The following TENM3 variants were observed in gnomAD, a reference collection of about 807,000 sequenced individuals.
TENM3 encodes the protein teneurin transmembrane protein 3.
TENM3 carries 63 observed loss-of-function variants against 255.1 expected under a neutral mutation model. The observed-to-expected ratio is 0.25, with a 90% CI of 0.20 to 0.30. The LOEUF is 0.30. TENM3 is among the 10% of genes least tolerant of loss of function. TENM3 has a pLI of 1.00. For missense variants in TENM3, 2,929 were observed against 3,461.1 expected, an observed-to-expected ratio of 0.85 and a Z score of 3.86; for synonymous variants, 1,306 against 1,322.3, an observed-to-expected ratio of 0.99 and a Z score of 0.27.
chr4:181,637,524 G>A, the TENM3 span, among the ~76,000 whole-genome samples: 4 of 152,194 alleles, frequency 2.6e-5, no homozygotes, highest in Non-Finnish European at 5.9e-5. Context: ...TGGAAATATA[G>A]TCCCTGGAGG....
chr4:182,750,448 C>G (rs1273331320), intron 19 of TENM3, among the ~76,000 whole-genome samples: 2 of 152,158 alleles, frequency 1.3e-5, no homozygotes, highest in Admixed American at 1.3e-4. Context: ...CTGGCCTCCT[C>G]TAACAACATG....
At chr4:182,676,255 G>A (rs1397932804) in intron 7 of TENM3, among the ~76,000 whole-genome samples, 1 of 152,222 alleles carries the variant, frequency 6.6e-6, no homozygotes, top group African/African-American at 2.4e-5. Context: ...CCTGATGCCA[G>A]TTCATTCTCC....
At chr4:181,568,654 T>A in the TENM3 span, among the ~76,000 whole-genome samples, 2 of 152,186 alleles carry the variant, frequency 1.3e-5, no homozygotes, top group African/African-American at 4.8e-5. Context: ...TGCTGACCTA[T>A]TTCTTTCTCA....
At position 182,324,113 on chromosome 4, in the gene TENM3, G is replaced by C; in HGVS notation, c.93G>C (p.Glu31Asp). 1.2e-6 allele frequency: 2 copies of C among 1,614,006 alleles called. No individual in the cohort carries two copies. The highest frequency in any genetic ancestry group is 1.7e-6 in the Non-Finnish European group (2 of 1,179,896). Residue 31 changes from glutamate (E) to aspartate (D), a missense_variant, in exon 2 of 28, where the codon GAG becomes GAC. Transcript: ENST00000511685. ...ACACAAATTCCTCCGCAGACAATGA[G>C]GAGTGCCGGGTACCCACACAGAAGT... is the stretch of plus-strand genomic sequence containing the variant. ...RRYTNSSADN[E>D]ECRVPTQKSY... is the part of the protein sequence containing the mutation.
chr4:182,220,045 G>T (rs1755752263), intron 1 of TENM3, among the ~76,000 whole-genome samples: 1 of 152,112 alleles, frequency 6.6e-6, no homozygotes, highest in Non-Finnish European at 1.5e-5. Context: ...ATGTGGTTTG[G>T]CCCTGAGGAG....
At chr4:182,271,410 G>C (rs1044588409) in intron 1 of TENM3, among the ~76,000 whole-genome samples, 8 of 152,054 alleles carry the variant, frequency 5.3e-5, no homozygotes, top group Admixed American at 2.6e-4. Context: ...TGCAATCATC[G>C]GTAAATAAGG....
the TENM3 span, among the ~76,000 whole-genome samples, chr4:181,470,433 T>C: frequency 2.0e-5 from 3 of 152,160 alleles, no homozygotes; most frequent in Non-Finnish European, 4.4e-5. Context: ...AGTACTATTT[T>C]TCTGTCACTG....
At chr4:182,497,847 C>CATATATATATATATATATATATAT (rs56170155) in intron 3 of TENM3, among the ~76,000 whole-genome samples, 2 of 135,640 alleles carry the variant, frequency 1.5e-5, no homozygotes, top group African/African-American at 3.3e-5. Flanking sequence ...ACTAAAAATA[C>CATATATATATATATATATATATAT]ATATATATAT....
At chr4:181,882,258 C>A in the TENM3 span, among the ~76,000 whole-genome samples, 6 of 152,154 alleles carry the variant, frequency 3.9e-5, no homozygotes, top group African/African-American at 1.4e-4. Context: ...AAATGAGAAG[C>A]AAATGGATTA....
At chr4:181,606,946 A>G in the TENM3 span, among the ~76,000 whole-genome samples, 2 of 152,132 alleles carry the variant, frequency 1.3e-5, no homozygotes, top group East Asian at 3.9e-4. Flanking sequence ...GGCTGAGAAT[A>G]GTGGAGAGAT....
the TENM3 span, among the ~76,000 whole-genome samples, chr4:181,873,983 C>A: frequency 2.0e-5 from 3 of 152,118 alleles, no homozygotes; most frequent in Non-Finnish European, 4.4e-5. Flanking sequence ...CAGGGTTTCA[C>A]CATGTTGGCA....
the TENM3 span, among the ~76,000 whole-genome samples, chr4:181,782,965 A>G: frequency 6.6e-6 from 1 of 152,108 alleles, no homozygotes; most frequent in Admixed American, 6.5e-5. Context: ...TTCTAGTTTG[A>G]TTGCACTGTG....
the TENM3 span, among the ~76,000 whole-genome samples, chr4:181,595,411 A>G: frequency 6.9e-6 from 1 of 144,942 alleles, no homozygotes; most frequent in Non-Finnish European, 1.5e-5. Flanking sequence ...AGCCTGGGTG[A>G]CAGAGCGAGA....
chr4:181,836,620 A>G, the TENM3 span, among the ~76,000 whole-genome samples: 1 of 152,054 alleles, frequency 6.6e-6, no homozygotes, highest in Non-Finnish European at 1.5e-5. Context: ...AGTTTCTTGG[A>G]TACTACTCTA....
the TENM3 span, among the ~76,000 whole-genome samples, chr4:181,486,297 C>T: frequency 9.2e-5 from 14 of 152,286 alleles, no homozygotes; most frequent in East Asian, 1.4e-3. Flanking sequence ...GAGTGGCCTC[C>T]GCTGCCAGCA....
chr4:181,499,187 G>A, the TENM3 span, among the ~76,000 whole-genome samples: 2 of 152,174 alleles, frequency 1.3e-5, no homozygotes, highest in East Asian at 1.9e-4. Flanking sequence ...CACAGAGGAC[G>A]AACATCTCCC....
the TENM3 span, among the ~76,000 whole-genome samples, chr4:181,502,821 T>C: frequency 6.6e-6 from 1 of 152,076 alleles, no homozygotes; most frequent in African/African-American, 2.4e-5. Flanking sequence ...CAGCGTCAGG[T>C]AGGTGGCCTC....
chr4:182,220,934 A>G (rs572028155), intron 1 of TENM3, among the ~76,000 whole-genome samples: 1 of 152,348 alleles, frequency 6.6e-6, no homozygotes, highest in East Asian at 1.9e-4. Context: ...CTTAAGCCCC[A>G]GCATACGAAA....
At chr4:181,634,998 T>C in the TENM3 span, among the ~76,000 whole-genome samples, 2 of 152,176 alleles carry the variant, frequency 1.3e-5, no homozygotes, top group Admixed American at 1.3e-4. Context: ...GAGAAAAATA[T>C]ATGTATTCTA....
Sources: gnomAD v4.1 joint callset for allele counts (sites outside exome capture counted in the v4.1 genomes callset) on GRCh38, gnomAD v4.1.1 for gene constraint, MANE v1.5 for transcripts, NCBI Gene and HGNC (gene_info 2026-07-23, HGNC 2026-07-21) for gene names.